Variants in MYO9B observed in about 807,000 individuals in gnomAD.
MYO9B encodes the protein unconventional myosin-IXb.
A neutral mutation model predicts 229.5 loss-of-function variants in MYO9B; 71 were observed. The observed-to-expected ratio is 0.31, with a 90% CI of 0.26 to 0.38. MYO9B has a LOEUF of 0.38. MYO9B is among the 10% of genes least tolerant of loss of function. The pLI, the probability that MYO9B is intolerant of heterozygous loss-of-function variation, is 1.00. For missense variants in MYO9B, 2,255 were observed against 2,920.5 expected (o/e 0.77, Z 5.25); for synonymous variants, 1,185 against 1,235.8 (o/e 0.96, Z 0.86).
At chr19:17,174,501 A>C (rs112861150) in intron 13 of MYO9B, among the ~76,000 whole-genome samples, 2 of 152,112 alleles carry the variant, frequency 1.3e-5, no homozygotes, top group African/African-American at 4.8e-5. Context: ...CAGGCATGGT[A>C]GTGCATGCCT....
intron 1 of MYO9B, among the ~76,000 whole-genome samples, chr19:17,087,498 C>A (rs976342495): frequency 1.3e-5 from 2 of 152,194 alleles, no homozygotes; most frequent in African/African-American, 4.8e-5. Flanking sequence ...AAGGCTGGAG[C>A]AACCGAAGGG....
Position 17,163,504 on chromosome 19 carries a change from A to C in MYO9B, c.1671+382A>C, listed in dbSNP as rs545581218. 8.6e-5 allele frequency among the ~76,000 whole-genome samples: 13 copies of C among 151,710 alleles called. No homozygotes were observed. The South Asian group carries it at 2.7e-3, about 32-fold the overall frequency. On this transcript the variant is annotated intron_variant, in intron 10 of 39. Transcript: ENST00000682292. ...TTCCTCGGCCTCCCGAGTAGCTGGAACCACAGGTGCACACTACCATGCCTG... is the reference window on the plus strand; with the variant it reads ...TTCCTCGGCCTCCCGAGTAGCTGGACCCACAGGTGCACACTACCATGCCTG...
At chr19:17,132,805 G>A (rs529033782) in intron 2 of MYO9B, among the ~76,000 whole-genome samples, 2 of 151,428 alleles carry the variant, frequency 1.3e-5, no homozygotes, top group South Asian at 2.1e-4. Flanking sequence ...GGAATTACAG[G>A]TGTGAGCCAC....
Position 17,210,384 on chromosome 19 carries a change from T to C in MYO9B, c.5796+4T>C. 8.8e-6 allele frequency: 14 copies of C among 1,593,476 alleles called. No homozygotes were observed. The highest frequency in any genetic ancestry group is 1.2e-5 in the Non-Finnish European group (14 of 1,169,638). ...GTCTCCCTATGAGGGGGTCCTGGTA[T>C]GTACGCGTTCGGTGGGCCCGCGGTG... On this transcript the variant is annotated splice_donor_region_variant and intron_variant, in intron 37 of 39. Transcript: ENST00000682292.
intron 1 of MYO9B, among the ~76,000 whole-genome samples, chr19:17,099,693 C>T (rs1192250274): frequency 1.3e-5 from 2 of 151,824 alleles, no homozygotes; most frequent in African/African-American, 4.8e-5. Context: ...TGGCGGGCGC[C>T]TGTTGTCTCA....
chr19:17,210,745 G>C lies in MYO9B; in HGVS notation c.5827G>C (p.Glu1943Gln). The change falls in exon 38 of 40, where the codon GAG becomes CAG. Residue 1943 changes from glutamate to glutamine, a missense_variant. By Grantham distance (29) the Glu-to-Gln change is conservative (BLOSUM62 2). Coordinates refer to ENST00000682292, the MANE Select transcript of MYO9B (RefSeq NM_004145.4). Reference protein sequence around the residue: ...NKSPKTRDIQEEELEVLLEEE... With the variant: ...NKSPKTRDIQQEELEVLLEEE... The stretch of plus-strand genomic sequence containing the variant: ...GAGCCCCAAGACCCGGGACATCCAG[G>C]AGGAGGAGCTGGAGGTGCTGCTGGA... 6.4e-7 allele frequency: 1 copy of C among 1,561,936 alleles called. No homozygotes were observed. The highest frequency in any genetic ancestry group is 2.4e-5 in the East Asian group (1 of 41,718).
At chr19:17,092,722 CAAAAAAA>C (rs3067821) in intron 1 of MYO9B, among the ~76,000 whole-genome samples, 4 of 97,654 alleles carry the variant, frequency 4.1e-5, no homozygotes, top group Non-Finnish European at 8.5e-5. Context: ...AAGGCTCCGT[CAAAAAAA>C]AAAAAAAAAA....
intron 14 of MYO9B, among the ~76,000 whole-genome samples, chr19:17,179,718 C>T (rs1205337375): frequency 4.0e-5 from 6 of 151,620 alleles, no homozygotes; most frequent in South Asian, 2.1e-4. Flanking sequence ...TGAGCCACCG[C>T]GCCCAGCCTG....
At chr19:17,117,561 G>C (rs1237812590) in intron 2 of MYO9B, among the ~76,000 whole-genome samples, 1 of 152,158 alleles carries the variant, frequency 6.6e-6, no homozygotes, top group African/African-American at 2.4e-5. Context: ...TCCCTAGAGG[G>C]GGTTCTCTGT....
Position 17,202,221 on chromosome 19 carries a change from C to A in MYO9B, c.4754C>A (p.Thr1585Asn). 1 of 1,611,620 alleles carries A rather than the reference C, an allele frequency of 6.2e-7. No homozygotes were observed. The highest frequency in any genetic ancestry group is 8.5e-7 in the Non-Finnish European group (1 of 1,179,014). Residue 1585 changes from threonine (T) to asparagine (N), a missense_variant, in exon 28 of 40, where the codon ACC (threonine) becomes AAC (asparagine). Coordinates refer to ENST00000682292, the MANE Select transcript of MYO9B (RefSeq NM_004145.4). The stretch of plus-strand genomic sequence containing the variant: ...GCCACTGAGCGTGGCCAGAAGGACA[C>A]CAACCTGGTCCTCAACCTCTTCCAG... ...NLATERGQKD[T>N]NLVLNLFQSL...
chr19:17,159,339 G>A, intron 7 of MYO9B, 56 bp from the exon 8 acceptor site: 2 of 1,470,798 alleles, frequency 1.4e-6, no homozygotes, highest in Non-Finnish European at 1.9e-6. Flanking sequence ...ACCAGGACAT[G>A]CCTGATAAGT....
chr19:17,114,785 G>T (rs531925197), intron 2 of MYO9B, among the ~76,000 whole-genome samples: 2 of 151,838 alleles, frequency 1.3e-5, no homozygotes. Context: ...CTCAGGTCTC[G>T]CTCCTTTAAG....
intron 9 of MYO9B, 118 bp downstream of exon 9, chr19:17,162,584 G>A: frequency 1.2e-6 from 1 of 865,800 alleles, no homozygotes; most frequent in South Asian, 1.6e-5. Context: ...TCAAGAGGCT[G>A]TTTCCCCACA....
At chr19:17,141,458 C>G (rs1045069492) in intron 2 of MYO9B, among the ~76,000 whole-genome samples, 1 of 152,198 alleles carries the variant, frequency 6.6e-6, no homozygotes, top group African/African-American at 2.4e-5. Context: ...CCAAACCTAG[C>G]GGTCACAAGG....
chr19:17,120,126 G>A (rs2057948415), intron 2 of MYO9B, among the ~76,000 whole-genome samples: 1 of 152,090 alleles, frequency 6.6e-6, no homozygotes, highest in Admixed American at 6.6e-5. Context: ...CAAGATGGAG[G>A]TGATGAGGAG....
intron 30 of MYO9B, among the ~76,000 whole-genome samples, chr19:17,204,477 C>A (rs1480999076): frequency 1.3e-5 from 2 of 151,662 alleles, no homozygotes; most frequent in African/African-American, 4.8e-5. Context: ...GAATGGCCAC[C>A]TTGGAGCTAT....
chr19:17,151,210 A>G (rs4808581), intron 3 of MYO9B, among the ~76,000 whole-genome samples: 101,073 of 150,954 alleles, frequency 0.67, 34,042 homozygotes, highest in East Asian at 0.7. Context: ...CCCAGGAGGC[A>G]GAGGTTGCAG....
chr19:17,124,759 C>CA (rs35063637), intron 2 of MYO9B, among the ~76,000 whole-genome samples: 5,963 of 78,738 alleles, frequency 0.076, 284 homozygotes, highest in African/African-American at 0.12. Flanking sequence ...GACTCTGTCT[C>CA]AAAAAAAAAA....
rs956846835 is a variant in MYO9B at position 17,197,923 on chromosome 19, G to C, written c.4113+65G>C. The stretch of plus-strand genomic sequence containing the variant: ...ACAAAAATCAGCCAGGCGTGGTGGC[G>C]CTTGCCTGTAACCCCAGCTACTCAG... On this transcript the variant is annotated intron_variant, in intron 23 of 39. Transcript: ENST00000682292. 5.7e-6 allele frequency: 9 copies of C among 1,578,540 alleles called. No individual in the cohort carries two copies. The Admixed American group carries it at 6.7e-5, about 12-fold the overall frequency.
Sources: gnomAD v4.1 joint callset for allele counts (sites outside exome capture counted in the v4.1 genomes callset) on GRCh38, gnomAD v4.1.1 for gene constraint, MANE v1.5 for transcripts, NCBI Gene and HGNC (gene_info 2026-07-23, HGNC 2026-07-21) for gene names.